The following IGSF21 variants were observed in gnomAD, a reference collection of about 807,000 sequenced individuals.
IGSF21 encodes the protein immunoglobulin superfamily member 21.
Under a neutral mutation model 46.8 loss-of-function variants are expected in IGSF21, and 28 were observed. The observed-to-expected ratio is 0.60, with a 90% CI of 0.44 to 0.82. The LOEUF is 0.82. IGSF21 is among the 40% of genes least tolerant of loss of function. The probability of loss-of-function intolerance (pLI) is 0.00; values close to 1 mark genes in which losing one functional copy is unlikely to be tolerated. For synonymous variants in IGSF21, 284 were observed against 273.6 expected, an observed-to-expected ratio of 1.04 and a Z score of -0.38; for missense variants, 624 against 665.5, an observed-to-expected ratio of 0.94 and a Z score of 0.69.
At chr1:18,258,549 G>C (rs72932945) in intron 2 of IGSF21, among the ~76,000 whole-genome samples, 1 of 152,166 alleles carries the variant, frequency 6.6e-6, no homozygotes, top group South Asian at 2.1e-4. Flanking sequence ...GCATGTCTGA[G>C]CCTCAGTTTC....
intron 1 of IGSF21, among the ~76,000 whole-genome samples, chr1:18,130,577 T>G (rs2086309803): frequency 6.6e-6 from 1 of 152,178 alleles, no homozygotes; most frequent in African/African-American, 2.4e-5. Flanking sequence ...AGCCCCATTT[T>G]CAGGATAGGT....
At chr1:18,376,213 T>A (rs1015348712) in intron 6 of IGSF21, 97 bp from the exon 7 acceptor site, 2 of 842,932 alleles carry the variant, frequency 2.4e-6, no homozygotes, top group South Asian at 1.3e-5. Flanking sequence ...AAGCAGCTGA[T>A]CCCAAGGATG....
intron 6 of IGSF21, among the ~76,000 whole-genome samples, chr1:18,370,931 T>C (rs555543515): frequency 8.5e-5 from 13 of 152,342 alleles, no homozygotes; most frequent in East Asian, 5.8e-4. Flanking sequence ...ATACCAGATG[T>C]TGACAAGAAG....
intron 1 of IGSF21, among the ~76,000 whole-genome samples, chr1:18,180,973 T>G (rs960074287): frequency 1.4e-4 from 21 of 152,200 alleles, no homozygotes; most frequent in African/African-American, 5.1e-4. Flanking sequence ...TAAGCAGATC[T>G]GTTTTCCCCT....
At chr1:18,349,282 C>T (rs1480812087) in intron 4 of IGSF21, among the ~76,000 whole-genome samples, 2 of 152,064 alleles carry the variant, frequency 1.3e-5, no homozygotes, top group Non-Finnish European at 2.9e-5. Context: ...AGTGTTGGCC[C>T]TCAAGGAGTC....
In IGSF21 at chr1:18,319,150, A is replaced by T. The variant is rs145091590; in HGVS notation, c.306-15742A>T. On this transcript the variant is annotated intron_variant, in intron 3 of 9. Transcript: ENST00000251296. ...CAGAGGGTGCTCCTTGGTGTCAGGG[A>T]CTCAAGCTCCTTCCCTCTTGATGTT... Among the ~76,000 whole-genome samples, 430 of 152,228 alleles carry T rather than the reference A, an allele frequency of 2.8e-3. 2 individuals are homozygous for T. The highest frequency in any genetic ancestry group is 9.8e-3 in the African/African-American group (407 of 41,528).
chr1:18,287,049 C>T (rs1474405895), intron 2 of IGSF21, among the ~76,000 whole-genome samples: 3 of 150,946 alleles, frequency 2.0e-5, no homozygotes, highest in African/African-American at 4.9e-5. Flanking sequence ...GGCGTAGTGG[C>T]GGGCACCTGT....
At chr1:18,160,641 T>C (rs531732519) in intron 1 of IGSF21, among the ~76,000 whole-genome samples, 3 of 152,164 alleles carry the variant, frequency 2.0e-5, no homozygotes, top group African/African-American at 7.2e-5. Context: ...ACTCAGAGCG[T>C]GCTCATTCGG....
intron 2 of IGSF21, among the ~76,000 whole-genome samples, chr1:18,274,446 G>A (rs1041356721): frequency 6.6e-6 from 1 of 152,236 alleles, no homozygotes; most frequent in Non-Finnish European, 1.5e-5. Flanking sequence ...GGAAAAGAGG[G>A]GCTTATAAGC....
chr1:18,365,570 C>T lies in IGSF21; in HGVS notation c.888C>T (p.Asp296=), dbSNP rs367584070. ...FLRHSRTPSS[D]GTVEVRALLT... Reference sequence around the variant, plus strand: ...GCCACAGCCGCACCCCGAGCAGTGACGGCACTGTGGAAGTACGTGCCCTGC... The same window carrying T: ...GCCACAGCCGCACCCCGAGCAGTGATGGCACTGTGGAAGTACGTGCCCTGC... The change falls in exon 6 of 10, where the codon GAC becomes GAT. Residue 296 remains aspartate (D), a synonymous_variant. Transcript: ENST00000251296. This position sits in a 1 kb window ranked among gnomAD's most constrained non-coding sequence, Gnocchi z 4.8. 73 of 1,614,042 alleles carry T rather than the reference C, an allele frequency of 4.5e-5. No individual in the cohort carries two copies. The highest frequency in any genetic ancestry group is 1.6e-4 in the Middle Eastern group (1 of 6,084).
intron 1 of IGSF21, chr1:18,115,692 C>T (rs188948010): frequency 1.3e-5 from 2 of 151,936 alleles, no homozygotes; most frequent in South Asian, 2.1e-4. Context: ...AAGGGGACTT[C>T]GTGTCCCCTC....
At chr1:18,233,576 C>A (rs946596171) in intron 2 of IGSF21, among the ~76,000 whole-genome samples, 2 of 152,128 alleles carry the variant, frequency 1.3e-5, no homozygotes, top group African/African-American at 4.8e-5. Context: ...ATGTCTGCAA[C>A]CAAAAGACCC....
At chr1:18,350,160 G>A (rs1569857462) in intron 4 of IGSF21, among the ~76,000 whole-genome samples, 2 of 152,264 alleles carry the variant, frequency 1.3e-5, no homozygotes, top group South Asian at 4.1e-4. Context: ...CAGGCAGAGA[G>A]GGAAGGAGAG....
intron 1 of IGSF21, among the ~76,000 whole-genome samples, chr1:18,226,455 C>T (rs114892528): frequency 0.016 from 2,410 of 152,232 alleles, 51 homozygotes; most frequent in South Asian, 0.053. Context: ...GAAGTTGGAC[C>T]GGTTGGTTGT....
intron 1 of IGSF21, among the ~76,000 whole-genome samples, chr1:18,225,089 A>ACACACG (rs2084551854): frequency 9.7e-5 from 3 of 30,794 alleles, no homozygotes; most frequent in Non-Finnish European, 1.7e-4. Flanking sequence ...TCTCTCTCAC[A>ACACACG]CACACACACA....
At chr1:18,325,734 G>T (rs1048053373) in intron 3 of IGSF21, among the ~76,000 whole-genome samples, 2 of 152,226 alleles carry the variant, frequency 1.3e-5, no homozygotes, top group African/African-American at 4.8e-5. Context: ...GGTCTAGGGA[G>T]GCCCTTTCCT....
intron 1 of IGSF21, among the ~76,000 whole-genome samples, chr1:18,163,266 G>A (rs956372121): frequency 2.0e-5 from 3 of 152,148 alleles, no homozygotes; most frequent in Admixed American, 6.5e-5. Flanking sequence ...GTGGCAGGCC[G>A]GTGGTGACTA....
intron 2 of IGSF21, among the ~76,000 whole-genome samples, chr1:18,291,555 C>T (rs1044258210): frequency 6.6e-6 from 1 of 152,226 alleles, no homozygotes; most frequent in Non-Finnish European, 1.5e-5. Flanking sequence ...ATCCCACTTC[C>T]TTTCTTCTCC....
At chr1:18,153,939 T>C (rs1272864044) in intron 1 of IGSF21, among the ~76,000 whole-genome samples, 2 of 152,138 alleles carry the variant, frequency 1.3e-5, no homozygotes, top group African/African-American at 4.8e-5. Context: ...GTGGAGACAC[T>C]GAAGCCCGGA....
Sources: allele counts gnomAD v4.1 joint callset (sites outside exome capture counted in the v4.1 genomes callset), GRCh38; gene constraint gnomAD v4.1.1; non-coding constraint Gnocchi (gnomAD v3.1); transcripts MANE v1.5; gene names NCBI Gene and HGNC (gene_info 2026-07-23, HGNC 2026-07-21).